Variants in ZFHX3 observed in about 807,000 individuals in gnomAD.
ZFHX3 encodes zinc finger homeobox protein 3.
ZFHX3 carries 42 observed loss-of-function variants against 279.1 expected under a neutral mutation model. That is an observed-to-expected ratio of 0.15 (90% CI 0.12 to 0.19). The LOEUF (loss-of-function observed/expected upper bound fraction) is 0.19, where lower values mean the gene tolerates loss of function less well. Among genes scored for constraint, ZFHX3 ranks in the 10% least tolerant of loss-of-function variants. ZFHX3 has a pLI of 1.00. For missense variants in ZFHX3, 4,981 were observed against 4,754.0 expected (o/e 1.05, Z -1.40); for synonymous variants, 2,293 against 1,957.8 (o/e 1.17, Z -4.52).
At chr16:73,754,665 T>A (rs2053791514) in intron 1 of ZFHX3, among the ~76,000 whole-genome samples, 1 of 152,184 alleles carries the variant, frequency 6.6e-6, no homozygotes, top group Admixed American at 6.5e-5. Context: ...GACCTTTACT[T>A]CCGACTAGCC....
At chr16:73,879,953 T>C (rs1357009830) in intron 1 of ZFHX3, among the ~76,000 whole-genome samples, 2 of 152,192 alleles carry the variant, frequency 1.3e-5, no homozygotes, top group African/African-American at 4.8e-5. Context: ...ATTTCAATTT[T>C]ATATACATTA....
At position 72,917,121 on chromosome 16, in the gene ZFHX3, G is replaced by C. The variant is rs201771357; in HGVS notation, c.3217-27159C>G. ...CCAGGTATCATGGCACGCGCCTATA[G>C]TCCTGGCTATTCAGGAGGCTGAGGT... On this transcript the variant is annotated intron_variant, in intron 3 of 9. Coordinates refer to ENST00000268489, the MANE Select transcript of ZFHX3 (RefSeq NM_006885.4). Among the ~76,000 whole-genome samples the C allele has an allele frequency of 5.9e-5, 9 of 152,258 alleles. 1 individual carries two copies. The East Asian group carries it at 1.5e-3, about 26-fold the overall frequency.
At chr16:73,319,498 A>AG (rs768624604) in intron 3 of ZFHX3, among the ~76,000 whole-genome samples, 101 of 152,202 alleles carry the variant, frequency 6.6e-4, no homozygotes, top group South Asian at 2.1e-3. Context: ...AGCTGTGGTC[A>AG]CCAGGCCCAG....
At chr16:72,896,531 G>A (rs1464696653) in intron 3 of ZFHX3, among the ~76,000 whole-genome samples, 4 of 152,224 alleles carry the variant, frequency 2.6e-5, no homozygotes, top group Non-Finnish European at 5.9e-5. Flanking sequence ...GCTCCGCTGT[G>A]CGACTTTGTG....
At chr16:73,716,246 A>T (rs1323971125) in intron 1 of ZFHX3, among the ~76,000 whole-genome samples, 1 of 152,078 alleles carries the variant, frequency 6.6e-6, no homozygotes, top group Non-Finnish European at 1.5e-5. Context: ...ATGTCCCTCA[A>T]GGGATTTGTG....
intron 4 of ZFHX3, among the ~76,000 whole-genome samples, chr16:73,294,510 GT>G (rs1252406081): frequency 6.6e-6 from 1 of 152,216 alleles, no homozygotes; most frequent in Non-Finnish European, 1.5e-5. Flanking sequence ...CAGTAACATA[GT>G]TTAAAAACAG....
chr16:73,206,833 CAT>C, intron 5 of ZFHX3, among the ~76,000 whole-genome samples: 1 of 152,084 alleles, frequency 6.6e-6, no homozygotes, highest in African/African-American at 2.4e-5. Flanking sequence ...GCCTGGCCAA[CAT>C]GGTGAAACCC....
rs1438745227 is a variant in ZFHX3 at position 73,473,353 on chromosome 16, A to C, written c.-1546-17095T>G. On this transcript the variant is annotated intron_variant, in intron 2 of 17. Coordinates refer to the ZFHX3 transcript ENST00000641206. ...CTGTCTCAAAGCAAAAAAAAAAAAA[A>C]AAAACAAAAAAAAAAAAAACAAAAT... Among the ~76,000 whole-genome samples the C allele has an allele frequency of 4.2e-4, 21 of 49,478 alleles. No individual in the cohort carries two copies. The East Asian group carries it at 0.04, about 94-fold the overall frequency. 32.5% of individuals were successfully genotyped at this position (49,478 alleles called of 152,430 possible).
upstream of ZFHX3, chr16:73,062,072 G>C (rs576354055): frequency 4.0e-5 from 6 of 151,038 alleles, no homozygotes; most frequent in Non-Finnish European, 7.4e-5. Context: ...ATTATTTTAC[G>C]TACAAAATGA....
intron 1 of ZFHX3, among the ~76,000 whole-genome samples, chr16:73,851,355 C>A (rs1019456439): frequency 2.6e-5 from 4 of 152,166 alleles, no homozygotes; most frequent in African/African-American, 9.6e-5. Context: ...GGGATCCCAA[C>A]AACTGTCCTC....
intron 3 of ZFHX3, among the ~76,000 whole-genome samples, chr16:73,408,993 G>A (rs989003309): frequency 2.0e-5 from 3 of 152,122 alleles, no homozygotes; most frequent in Admixed American, 2.0e-4. Flanking sequence ...TTGTGCAAGG[G>A]ACTCCCACTG....
At chr16:73,210,486 T>C (rs112407214) in intron 5 of ZFHX3, among the ~76,000 whole-genome samples, 24 of 152,302 alleles carry the variant, frequency 1.6e-4, no homozygotes, top group African/African-American at 5.3e-4. Context: ...GTGTGAATAA[T>C]GCCAGGAAAA....
At chr16:73,848,602 C>G (rs2142377101) in intron 1 of ZFHX3, among the ~76,000 whole-genome samples, 1 of 152,310 alleles carries the variant, frequency 6.6e-6, no homozygotes, top group Non-Finnish European at 1.5e-5. Context: ...ATTAATTCAA[C>G]ACCCATGAAC....
intron 4 of ZFHX3, among the ~76,000 whole-genome samples, chr16:73,258,181 C>T (rs113269120): frequency 6.6e-6 from 1 of 152,052 alleles, no homozygotes; most frequent in African/African-American, 2.4e-5. Context: ...TTCAAACAAG[C>T]ATTCTTATTT....
intron 2 of ZFHX3, among the ~76,000 whole-genome samples, chr16:73,616,158 G>C (rs1263004590): frequency 6.6e-6 from 1 of 151,896 alleles, no homozygotes; most frequent in East Asian, 1.9e-4. Flanking sequence ...CCATCAGAAA[G>C]AATTAACTTC....
chr16:73,296,098 G>C (rs1488338643), intron 4 of ZFHX3, among the ~76,000 whole-genome samples: 1 of 145,872 alleles, frequency 6.9e-6, no homozygotes, highest in Admixed American at 6.9e-5. Context: ...GTGTGTGTGT[G>C]TGTGTCTGTG....
At chr16:73,190,191 A>T (rs762330035) in intron 5 of ZFHX3, among the ~76,000 whole-genome samples, 7 of 152,238 alleles carry the variant, frequency 4.6e-5, no homozygotes, top group Admixed American at 2.6e-4. Context: ...AGCTGCTGAC[A>T]TGTGTAATGG....
intron 2 of ZFHX3, among the ~76,000 whole-genome samples, chr16:73,626,591 C>G (rs989780828): frequency 6.6e-6 from 1 of 152,184 alleles, no homozygotes; most frequent in African/African-American, 2.4e-5. Context: ...CCTAGAAGAC[C>G]TAGCCATAGG....
chr16:73,156,388 A>G (rs907063554), intron 5 of ZFHX3, among the ~76,000 whole-genome samples: 10 of 152,164 alleles, frequency 6.6e-5, no homozygotes, highest in African/African-American at 2.4e-4. Context: ...TTTAAAAAAG[A>G]TGATCATTAC....
Sources: gnomAD v4.1 joint callset for allele counts (sites outside exome capture counted in the v4.1 genomes callset) on GRCh38, gnomAD v4.1.1 for gene constraint, MANE v1.5 for transcripts, NCBI Gene and HGNC (gene_info 2026-07-23, HGNC 2026-07-21) for gene names.